STAG1: variants seen among roughly 807,000 people sequenced by gnomAD.
STAG1 encodes STAG1 cohesin complex component, also known as cohesin subunit SA-1.
A neutral mutation model predicts 170.9 loss-of-function variants in STAG1; 26 were observed. The ratio of observed to expected loss-of-function variants is 0.15; its 90% CI spans 0.11 to 0.21. STAG1 has a LOEUF of 0.21. Ranked by LOEUF, STAG1 falls within the 10% of genes least tolerant of loss-of-function variation. The pLI is 1.00. For synonymous variants in STAG1, 514 were observed against 497.7 expected (o/e 1.03, Z -0.44); for missense variants, 964 against 1,509.5 (o/e 0.64, Z 5.99).
intron 22 of STAG1, among the ~76,000 whole-genome samples, chr3:136,391,536 C>T (rs2087011913): frequency 6.6e-6 from 1 of 152,062 alleles, no homozygotes; most frequent in African/African-American, 2.4e-5. Context: ...GCCACCATGC[C>T]CAGCTAACTT....
At chr3:136,487,997 A>C (rs937714068) in intron 9 of STAG1, among the ~76,000 whole-genome samples, 1 of 152,220 alleles carries the variant, frequency 6.6e-6, no homozygotes, top group African/African-American at 2.4e-5. Flanking sequence ...CAGAACCTAC[A>C]ACCCCAGCCA....
chr3:136,362,533 C>T (rs1446457243), intron 26 of STAG1, among the ~76,000 whole-genome samples: 2 of 140,648 alleles, frequency 1.4e-5, no homozygotes, highest in Non-Finnish European at 3.0e-5. Context: ...TTTGGGAGGC[C>T]GAGGTAGGTG....
In STAG1 at chr3:136,521,323, C is replaced by G. The variant is rs1934659211; in HGVS notation, c.566G>C (p.Cys189Ser). ...CTCATCATAAATTATGCTATACTGA[C>G]ACTGTCGAATCAGGACTCCAATAAA... Reference protein sequence around the residue: ...CEFIGVLIRQCQYSIIYDEYM... With the variant: ...CEFIGVLIRQSQYSIIYDEYM... Residue 189 changes from cysteine (C) to serine (S), a missense_variant, in exon 7 of 34, where the codon TGT becomes TCT. Physicochemically the swap from Cys to Ser is moderately radical, Grantham distance 112. Around this residue, in one of 11 missense-constraint regions of STAG1, gnomAD observed 40 missense variants for 44.1 expected, o/e 0.91. Coordinates refer to ENST00000383202, the MANE Select transcript of STAG1 (RefSeq NM_005862.3). 6.2e-7 allele frequency: 1 copy of G among 1,613,678 alleles called. No homozygotes were observed. Among genetic ancestry groups the G allele is most frequent in the Non-Finnish European group, 8.5e-7 (1 of 1,179,802 alleles).
At chr3:136,604,258 C>T (rs748619291) in intron 4 of STAG1, 51 bp downstream of exon 4, 1 of 1,524,096 alleles carries the variant, frequency 6.6e-7, no homozygotes, top group Non-Finnish European at 8.8e-7. Flanking sequence ...TGATTCCACC[C>T]AAGTTATTAA....
rs541655530 is a variant in STAG1, at chr3:136,645,693, T to C, written c.-83-14712A>G. On this transcript the variant is annotated intron_variant, in intron 1 of 33. Coordinates refer to ENST00000383202, the MANE Select transcript of STAG1 (RefSeq NM_005862.3). ...AGAAATAGCTCAACTATCTGGAACA[T>C]AGCTGAAAACTCAGAGAAATAGTCT... Among the ~76,000 whole-genome samples the C allele has an allele frequency of 1.1e-4, 16 of 152,360 alleles. No individual in the cohort carries two copies. The South Asian group carries it at 2.3e-3, about 22-fold the overall frequency.
intron 5 of STAG1, among the ~76,000 whole-genome samples, chr3:136,554,401 A>G (rs1017828783): frequency 6.6e-6 from 1 of 152,238 alleles, no homozygotes; most frequent in Non-Finnish European, 1.5e-5. Context: ...TTATTGAGCT[A>G]ACAATGGACA....
At chr3:136,567,123 T>C (rs1937109590) in intron 5 of STAG1, among the ~76,000 whole-genome samples, 1 of 152,202 alleles carries the variant, frequency 6.6e-6, no homozygotes, top group Non-Finnish European at 1.5e-5. Context: ...TATACAACTT[T>C]TAAACTTTTT....
At chr3:136,524,997 C>T (rs550670798) in intron 6 of STAG1, among the ~76,000 whole-genome samples, 2 of 152,180 alleles carry the variant, frequency 1.3e-5, no homozygotes, top group African/African-American at 2.4e-5. Flanking sequence ...TTCAGTTTGC[C>T]GGTATTTTAT....
At chr3:136,724,141 G>T (rs1933512707) in intron 1 of STAG1, among the ~76,000 whole-genome samples, 1 of 149,792 alleles carries the variant, frequency 6.7e-6, no homozygotes. Flanking sequence ...GATGACAATG[G>T]CGGTTTTGTG....
intron 2 of STAG1, among the ~76,000 whole-genome samples, chr3:136,628,638 G>A (rs1457934176): frequency 6.6e-6 from 1 of 152,166 alleles, no homozygotes; most frequent in Non-Finnish European, 1.5e-5. Context: ...ACAAAGGCAT[G>A]TGTTAAAATT....
chr3:136,388,218 C>T (rs1318833247), intron 22 of STAG1, among the ~76,000 whole-genome samples: 1 of 152,158 alleles, frequency 6.6e-6, no homozygotes, highest in Non-Finnish European at 1.5e-5. Flanking sequence ...TTTTATATAT[C>T]AGGAAAGTGA....
rs117795110 is a variant in STAG1 at position 136,486,678 on chromosome 3, C to T, written c.903-9266G>A. The stretch of plus-strand genomic sequence containing the variant: ...CATGCTGATTAAAACTTAGTGACTA[C>T]TCAGTATGGTAACTGCACATATACA... On this transcript the variant is annotated intron_variant, in intron 9 of 33. Coordinates refer to ENST00000383202, the MANE Select transcript of STAG1 (RefSeq NM_005862.3). 4.5e-3 allele frequency among the ~76,000 whole-genome samples: 679 copies of T among 152,274 alleles called. 8 individuals carry two copies. In the East Asian group the frequency reaches 0.046, roughly 10 times the overall value.
intron 4 of STAG1, among the ~76,000 whole-genome samples, chr3:136,584,190 T>C (rs1394678853): frequency 1.3e-5 from 2 of 152,232 alleles, no homozygotes; most frequent in African/African-American, 4.8e-5. Context: ...TTTCTCCTTA[T>C]TCTTCCACTG....
chr3:136,516,530 A>G (rs1173770944), intron 7 of STAG1, among the ~76,000 whole-genome samples: 5 of 152,212 alleles, frequency 3.3e-5, no homozygotes, highest in African/African-American at 9.6e-5. Flanking sequence ...AAAAAAAAGC[A>G]AAAGAAAAGA....
intron 6 of STAG1, among the ~76,000 whole-genome samples, chr3:136,537,481 C>CT (rs1193167426): frequency 2.1e-5 from 3 of 146,078 alleles, no homozygotes; most frequent in Non-Finnish European, 4.5e-5. Flanking sequence ...CTAATAGTGT[C>CT]TTTTTTTTGT....
At chr3:136,715,153 G>A (rs1208223321) in intron 1 of STAG1, among the ~76,000 whole-genome samples, 32 of 136,380 alleles carry the variant, frequency 2.3e-4, no homozygotes, top group Non-Finnish European at 4.8e-4. Flanking sequence ...TAAAATTTGT[G>A]TATGTGGGGT....
intron 22 of STAG1, among the ~76,000 whole-genome samples, chr3:136,388,424 A>T (rs2086923694): frequency 6.6e-6 from 1 of 152,172 alleles, no homozygotes; most frequent in Admixed American, 6.5e-5. Flanking sequence ...GCTGGAGTGC[A>T]GTGGTGCGAT....
intron 7 of STAG1, among the ~76,000 whole-genome samples, chr3:136,509,602 G>C (rs1933946611): frequency 1.3e-5 from 2 of 152,100 alleles, no homozygotes; most frequent in African/African-American, 4.8e-5. Context: ...AATAAAGGCA[G>C]TGAGGACAAG....
Position 136,666,135 on chromosome 3 carries a change from G to C in STAG1, c.-83-35154C>G, listed in dbSNP as rs556915089. Among the ~76,000 whole-genome samples the C allele has an allele frequency of 1.6e-4, 19 of 122,124 alleles. No homozygotes were observed. The South Asian group carries it at 6.0e-3, about 38-fold the overall frequency. 80.1% of individuals were successfully genotyped at this position (122,124 alleles called of 152,430 possible). A position where few individuals can be genotyped will look rare whatever the true frequency, so the allele number is the denominator to read the frequency against. On this transcript the variant is annotated intron_variant, in intron 1 of 33. Transcript: ENST00000383202. ...AAGAAAGAAATGCAAGTGGTCTATA[G>C]AAGCTGAGTGTGACACTTCCTCCCC...
Sources: allele counts gnomAD v4.1 joint callset (sites outside exome capture counted in the v4.1 genomes callset), GRCh38; gene constraint gnomAD v4.1.1; regional missense constraint gnomAD v4.1.1; transcripts MANE v1.5; gene names NCBI Gene and HGNC (gene_info 2026-07-23, HGNC 2026-07-21).